Variants in ZMAT4 observed in about 807,000 individuals in gnomAD.
ZMAT4 encodes zinc finger matrin-type 4, also known as zinc finger matrin-type protein 4.
A neutral mutation model predicts 28.7 loss-of-function variants in ZMAT4; 17 were observed. That is an observed-to-expected ratio of 0.59 (90% CI 0.41 to 0.89). ZMAT4 has a LOEUF of 0.89. Among genes scored for constraint, ZMAT4 ranks in the 40% least tolerant of loss-of-function variants. ZMAT4 has a pLI of 0.00. For synonymous variants in ZMAT4, 117 were observed against 109.2 expected, an observed-to-expected ratio of 1.07 and a Z score of -0.44; for missense variants, 240 against 283.8, an observed-to-expected ratio of 0.85 and a Z score of 1.11.
chr8:40,817,424 C>G (rs1041991481), intron 2 of ZMAT4, among the ~76,000 whole-genome samples: 1 of 151,946 alleles, frequency 6.6e-6, no homozygotes, highest in Non-Finnish European at 1.5e-5. Flanking sequence ...TGCCAGGGGT[C>G]ATTGGGAAAA....
Position 40,767,645 on chromosome 8 carries a change from T to G in ZMAT4, c.188A>C (p.Glu63Ala). The G allele has an allele frequency of 1.2e-6, 2 of 1,612,310 alleles. No individual in the cohort carries two copies. The highest frequency in any genetic ancestry group is 2.2e-5 in the South Asian group (2 of 90,734). The stretch of plus-strand genomic sequence containing the variant: ...CACGTGGTACCAGATACTCACATTT[T>G]CTGACCGGAGCCTCTTGGCAGGACA... ...GGCPAKRLRS[E>A]NGSDADMVDK... Residue 63 changes from glutamate to alanine, a missense_variant, in exon 3 of 7, where the codon GAA becomes GCA. Physicochemically the swap from Glu to Ala is moderately radical, Grantham distance 107 (BLOSUM62 -1). Coordinates refer to ENST00000297737, the MANE Select transcript of ZMAT4 (RefSeq NM_024645.3).
chr8:40,660,681 TC>T (rs1363397968), intron 5 of ZMAT4, among the ~76,000 whole-genome samples: 1 of 152,210 alleles, frequency 6.6e-6, no homozygotes, highest in Non-Finnish European at 1.5e-5. Flanking sequence ...TATCAGGACA[TC>T]TGCTGTTTCC....
At chr8:40,660,850 C>T (rs913545290) in intron 5 of ZMAT4, among the ~76,000 whole-genome samples, 2 of 152,176 alleles carry the variant, frequency 1.3e-5, no homozygotes, top group Non-Finnish European at 2.9e-5. Flanking sequence ...TATCTCTATG[C>T]TTTTATATAC....
chr8:40,667,844 A>C (rs1323235956), intron 5 of ZMAT4, among the ~76,000 whole-genome samples: 2 of 146,310 alleles, frequency 1.4e-5, no homozygotes, highest in Non-Finnish European at 3.0e-5. Context: ...TAAAAAAAAA[A>C]AAAACAACAA....
At chr8:40,753,527 A>G (rs930094886) in intron 3 of ZMAT4, among the ~76,000 whole-genome samples, 6 of 152,328 alleles carry the variant, frequency 3.9e-5, no homozygotes, top group African/African-American at 1.4e-4. Context: ...TTTAAAAATT[A>G]ACATCCATTC....
intron 1 of ZMAT4, among the ~76,000 whole-genome samples, chr8:40,841,485 T>C (rs1020386427): frequency 1.6e-4 from 25 of 152,294 alleles, no homozygotes; most frequent in African/African-American, 5.8e-4. Context: ...TGCTAAGCAT[T>C]GCCTCTCTGA....
intron 2 of ZMAT4, among the ~76,000 whole-genome samples, chr8:40,822,181 G>A (rs1248958843): frequency 1.3e-5 from 2 of 152,158 alleles, no homozygotes; most frequent in Non-Finnish European, 2.9e-5. Flanking sequence ...AATCATACAG[G>A]TATTTTTGCC....
intron 3 of ZMAT4, among the ~76,000 whole-genome samples, chr8:40,743,546 C>A (rs71519575): frequency 0.016 from 2,489 of 152,344 alleles, 28 homozygotes; most frequent in Non-Finnish European, 0.025. Context: ...CCTACACTCA[C>A]TGAGTGCCTA....
chr8:40,793,218 A>AT (rs1445561513), intron 2 of ZMAT4, among the ~76,000 whole-genome samples: 1 of 152,230 alleles, frequency 6.6e-6, no homozygotes, highest in East Asian at 1.9e-4. Context: ...CTTTCGCTCA[A>AT]TTTTTTGTAA....
chr8:40,652,982 T>A (rs906929565), intron 5 of ZMAT4, among the ~76,000 whole-genome samples: 2 of 150,840 alleles, frequency 1.3e-5, no homozygotes, highest in African/African-American at 4.9e-5. Context: ...TACCTAATGT[T>A]AGATGACGAG....
chr8:40,602,078 T>C (rs1460585115), intron 5 of ZMAT4, among the ~76,000 whole-genome samples: 1 of 152,164 alleles, frequency 6.6e-6, no homozygotes, highest in Non-Finnish European at 1.5e-5. Context: ...TGTGTCCTCA[T>C]AGCCTAGCTC....
chr8:40,607,226 G>A (rs563656636), intron 5 of ZMAT4, among the ~76,000 whole-genome samples: 9 of 142,408 alleles, frequency 6.3e-5, no homozygotes, highest in African/African-American at 1.6e-4. Flanking sequence ...CTGGGTTCAC[G>A]CCATTCTCCT....
At chr8:40,664,998 A>G (rs560388524) in intron 5 of ZMAT4, among the ~76,000 whole-genome samples, 2 of 152,276 alleles carry the variant, frequency 1.3e-5, no homozygotes, top group South Asian at 4.1e-4. Flanking sequence ...GAAAATATGA[A>G]GCAGTTAATC....
chr8:40,791,557 G>A (rs1464123146), intron 2 of ZMAT4, among the ~76,000 whole-genome samples: 1 of 152,202 alleles, frequency 6.6e-6, no homozygotes, highest in Non-Finnish European at 1.5e-5. Flanking sequence ...GCTCATGGCT[G>A]AGTTGGGCCA....
chr8:40,788,525 C>T (rs988235432), intron 2 of ZMAT4, among the ~76,000 whole-genome samples: 1 of 152,080 alleles, frequency 6.6e-6, no homozygotes, highest in Non-Finnish European at 1.5e-5. Flanking sequence ...GCAGAGCTTG[C>T]AGTGAGCTGA....
chr8:40,890,931 GCTC>G (rs1017300832), intron 1 of ZMAT4, among the ~76,000 whole-genome samples: 1 of 151,724 alleles, frequency 6.6e-6, no homozygotes, highest in Non-Finnish European at 1.5e-5. Flanking sequence ...ACTCCCAGCG[GCTC>G]CTCTGCCCAC....
At chr8:40,698,260 C>A (rs539243863) in intron 3 of ZMAT4, among the ~76,000 whole-genome samples, 1 of 152,008 alleles carries the variant, frequency 6.6e-6, no homozygotes, top group Non-Finnish European at 1.5e-5. Flanking sequence ...ATTTTTATTC[C>A]TTTGTAATAC....
chr8:40,835,513 G>A lies in ZMAT4; in HGVS notation c.-4-9833C>T, dbSNP rs150584178. The stretch of plus-strand genomic sequence containing the variant: ...GGTGGATTTTCTTAACAAGCTGAAC[G>A]ACTACAGGACCCTTCCTTTCAATGT... On this transcript the variant is annotated intron_variant, in intron 1 of 6. Transcript: ENST00000297737. Among the ~76,000 whole-genome samples the A allele has an allele frequency of 1.1e-4, 16 of 152,306 alleles. No individual in the cohort carries two copies. In the East Asian group the frequency reaches 1.4e-3, roughly 13 times the overall value.
chr8:40,657,836 T>C (rs1398879614), intron 5 of ZMAT4, among the ~76,000 whole-genome samples: 1 of 152,188 alleles, frequency 6.6e-6, no homozygotes, highest in Non-Finnish European at 1.5e-5. Flanking sequence ...TTAATGTATG[T>C]AATAATTTTA....
Sources: gnomAD v4.1 joint callset for allele counts (sites outside exome capture counted in the v4.1 genomes callset) on GRCh38, gnomAD v4.1.1 for gene constraint, MANE v1.5 for transcripts, NCBI Gene and HGNC (gene_info 2026-07-23, HGNC 2026-07-21) for gene names.